The following SIPA1L1 variants were observed in gnomAD, a reference collection of about 807,000 sequenced individuals.
The protein encoded by SIPA1L1 is signal induced proliferation associated 1 like 1.
In SIPA1L1, 26 loss-of-function variants were observed where a neutral mutation model predicts 162.7. That is an observed-to-expected ratio of 0.16 (90% CI 0.12 to 0.22). The LOEUF (loss-of-function observed/expected upper bound fraction) is 0.22. SIPA1L1 is among the 10% of genes least tolerant of loss of function. The pLI is 1.00. For synonymous variants in SIPA1L1, 829 were observed against 837.4 expected (o/e 0.99, Z 0.17); for missense variants, 1,874 against 2,241.0 (o/e 0.84, Z 3.31).
At chr14:71,336,702 C>T (rs955106909) in intron 2 of SIPA1L1, among the ~76,000 whole-genome samples, 4 of 152,188 alleles carry the variant, frequency 2.6e-5, no homozygotes. Context: ...AATAAAACCA[C>T]CCTAGTACTA....
At chr14:71,535,388 G>A (rs1403851691) in intron 4 of SIPA1L1, among the ~76,000 whole-genome samples, 1 of 152,026 alleles carries the variant, frequency 6.6e-6, no homozygotes, top group Non-Finnish European at 1.5e-5. Flanking sequence ...TCTTATGCAG[G>A]GCATGTTTCT....
chr14:71,323,316 G>A (rs1156972667), intron 2 of SIPA1L1, among the ~76,000 whole-genome samples: 2 of 152,104 alleles, frequency 1.3e-5, no homozygotes, highest in Non-Finnish European at 2.9e-5. Flanking sequence ...ATAAATGACT[G>A]TTTTTCTTTT....
chr14:71,587,620 A>C lies in SIPA1L1; in HGVS notation c.-253A>C. On this transcript the variant is annotated 5_prime_UTR_variant, in exon 5 of 24. Transcript: ENST00000381232. ...ACAGAATCTCAGTAGTACAAGTTCC[A>C]TTCAGTTTTTTCTGAAAGAAAGCCC... 6.4e-6 allele frequency: 3 copies of C among 467,156 alleles called. 1 individual carries two copies. The highest frequency in any genetic ancestry group is 1.1e-5 in the Non-Finnish European group (3 of 265,868). 28.9% of individuals were successfully genotyped at this position (467,156 alleles called of 1,614,324 possible). A position where few individuals can be genotyped will look rare whatever the true frequency, so the allele number is the denominator to read the frequency against.
At chr14:71,350,226 A>AACACAC (rs10664371) in intron 2 of SIPA1L1, among the ~76,000 whole-genome samples, 300 of 146,890 alleles carry the variant, frequency 2.0e-3, no homozygotes, top group South Asian at 8.1e-3. Flanking sequence ...GTCTCTACTA[A>AACACAC]ACACACACAC....
chr14:71,517,199 G>A (rs552849409), intron 3 of SIPA1L1, among the ~76,000 whole-genome samples: 1 of 151,920 alleles, frequency 6.6e-6, no homozygotes, highest in South Asian at 2.1e-4. Flanking sequence ...GGACATAATT[G>A]TATATGTCTT....
At chr14:71,390,508 A>G (rs966317726) in intron 2 of SIPA1L1, among the ~76,000 whole-genome samples, 3 of 152,166 alleles carry the variant, frequency 2.0e-5, no homozygotes, top group African/African-American at 7.2e-5. Context: ...TGTTATTTAA[A>G]ACAGCATTCA....
At chr14:71,470,939 G>A (rs1034952639) in intron 2 of SIPA1L1, among the ~76,000 whole-genome samples, 1 of 152,022 alleles carries the variant, frequency 6.6e-6, no homozygotes, top group South Asian at 2.1e-4. Flanking sequence ...CTGGGTTCAC[G>A]CCATTCTCCT....
At chr14:71,625,813 T>C (rs1390884856) in intron 7 of SIPA1L1, among the ~76,000 whole-genome samples, 1 of 152,244 alleles carries the variant, frequency 6.6e-6, no homozygotes, top group African/African-American at 2.4e-5. Flanking sequence ...TTGAAATTTC[T>C]ATTAAAACAG....
intron 5 of SIPA1L1, among the ~76,000 whole-genome samples, chr14:71,601,911 CT>C (rs568565067): frequency 6.7e-6 from 1 of 150,170 alleles, no homozygotes; most frequent in African/African-American, 2.4e-5. Context: ...GTTGTGATGT[CT>C]TTTTTTTCAT....
At chr14:71,606,718 A>G (rs925375672) in intron 5 of SIPA1L1, among the ~76,000 whole-genome samples, 8 of 151,956 alleles carry the variant, frequency 5.3e-5, no homozygotes, top group Admixed American at 3.9e-4. Flanking sequence ...GAGTCTCTCC[A>G]CGCTCCCAAC....
chr14:71,479,336 GGTATGTAT>G (rs59082026), intron 2 of SIPA1L1, among the ~76,000 whole-genome samples: 167 of 148,330 alleles, frequency 1.1e-3, no homozygotes, highest in Admixed American at 1.5e-3. Context: ...TGTGTATGTA[GGTATGTAT>G]GTATGTATGT....
intron 9 of SIPA1L1, among the ~76,000 whole-genome samples, chr14:71,659,770 AG>A (rs1341173337): frequency 1.3e-5 from 2 of 152,298 alleles, no homozygotes; most frequent in East Asian, 3.9e-4. Flanking sequence ...AGGCAGAGAA[AG>A]TGGGCATTTA....
chr14:71,405,842 C>T (rs2041992686), intron 2 of SIPA1L1, among the ~76,000 whole-genome samples: 1 of 152,194 alleles, frequency 6.6e-6, no homozygotes, highest in South Asian at 2.1e-4. Context: ...CTTGTTATCT[C>T]ACATGTAGGG....
chr14:71,518,312 A>T (rs1264994667), intron 3 of SIPA1L1, among the ~76,000 whole-genome samples: 16 of 152,164 alleles, frequency 1.1e-4, no homozygotes, highest in Admixed American at 1.0e-3. Flanking sequence ...TTATTTTTTA[A>T]ATGCAAGTCT....
rs989864264 is a variant in SIPA1L1 at position 71,333,457 on chromosome 14, A to C, written c.-465+12276A>C. Among the ~76,000 whole-genome samples the C allele has an allele frequency of 9.2e-5, 14 of 152,368 alleles. No homozygotes were observed. In the East Asian group the frequency reaches 2.7e-3, roughly 29 times the overall value. On this transcript the variant is annotated intron_variant, in intron 2 of 23. Transcript: ENST00000381232. ...TTTTAACTTGTTGGAAATTCAACATAGTATTGACTATACATGAAAAGATTC... is the reference window on the plus strand; with the variant it reads ...TTTTAACTTGTTGGAAATTCAACATCGTATTGACTATACATGAAAAGATTC...
intron 3 of SIPA1L1, among the ~76,000 whole-genome samples, chr14:71,513,874 T>C (rs1295816592): frequency 6.6e-6 from 1 of 152,198 alleles, no homozygotes; most frequent in Non-Finnish European, 1.5e-5. Flanking sequence ...TAGGTCAGGC[T>C]AGAAACTCGC....
intron 18 of SIPA1L1, 75 bp from the exon 19 acceptor site, chr14:71,724,595 T>C: frequency 8.5e-7 from 1 of 1,182,604 alleles, no homozygotes; most frequent in Non-Finnish European, 1.2e-6. Context: ...TTGACTTACA[T>C]CCTTTAGAGC....
intron 7 of SIPA1L1, among the ~76,000 whole-genome samples, chr14:71,637,032 C>G (rs1269256091): frequency 7.1e-6 from 1 of 141,762 alleles, no homozygotes; most frequent in Non-Finnish European, 1.5e-5. Flanking sequence ...GCCTGAGTGA[C>G]AGAATGAGAC....
chr14:71,325,982 C>G (rs905598855), intron 2 of SIPA1L1, among the ~76,000 whole-genome samples: 15 of 152,072 alleles, frequency 9.9e-5, no homozygotes, highest in African/African-American at 3.4e-4. Flanking sequence ...CACACAAACT[C>G]GGGGGTCACT....
Sources: allele counts gnomAD v4.1 joint callset (sites outside exome capture counted in the v4.1 genomes callset), GRCh38; gene constraint gnomAD v4.1.1; transcripts MANE v1.5; gene names NCBI Gene and HGNC (gene_info 2026-07-23, HGNC 2026-07-21).